The following CABIN1 variants were observed in gnomAD, a reference collection of about 807,000 sequenced individuals.
The protein encoded by CABIN1 is calcineurin-binding protein cabin-1.
In CABIN1, 133 loss-of-function variants were observed where a neutral mutation model predicts 227.7. The observed-to-expected ratio is 0.58, with a 90% CI of 0.51 to 0.67. CABIN1 has a LOEUF of 0.67. CABIN1 is among the 30% of genes least tolerant of loss of function. The pLI is 0.00. For missense variants in CABIN1, 2,408 were observed against 2,852.5 expected (o/e 0.84, Z 3.55); for synonymous variants, 1,086 against 1,155.1 (o/e 0.94, Z 1.21).
chr22:24,152,831 T>TC (rs2045566221), intron 29 of CABIN1, among the ~76,000 whole-genome samples: 1 of 151,962 alleles, frequency 6.6e-6, no homozygotes, highest in Non-Finnish European at 1.5e-5. Context: ...GTGCCTGTAA[T>TC]CCCAGCAACT....
intron 28 of CABIN1, among the ~76,000 whole-genome samples, chr22:24,125,081 C>CAA (rs1359901637): frequency 6.6e-6 from 1 of 152,200 alleles, no homozygotes; most frequent in Non-Finnish European, 1.5e-5. Flanking sequence ...TCACAAAAGA[C>CAA]AAATACTGGA....
chr22:24,162,675 A>G (rs138472194), intron 29 of CABIN1, among the ~76,000 whole-genome samples: 183 of 152,350 alleles, frequency 1.2e-3, no homozygotes, highest in African/African-American at 4.3e-3. Context: ...GAGAGTCACA[A>G]TAGCATGGGG....
Position 24,043,114 on chromosome 22 carries a change from G to A in CABIN1, c.526+30G>A, listed in dbSNP as rs187502677. 2.9e-4 allele frequency: 461 copies of A among 1,608,038 alleles called. 4 individuals carry two copies. In the African/African-American group the frequency reaches 5.5e-3, roughly 19 times the overall value. ...GTCATGCTTTGATGCTTTCTTCCATGTGCCAGTGGTTTTTGGAACAGCAGA... is the reference window on the plus strand; with the variant it reads ...GTCATGCTTTGATGCTTTCTTCCATATGCCAGTGGTTTTTGGAACAGCAGA... On this transcript the variant is annotated intron_variant, in intron 6 of 36. Coordinates refer to ENST00000263119, the MANE Select transcript of CABIN1 (RefSeq NM_012295.4).
At chr22:24,171,565 TG>T in intron 33 of CABIN1, 147 bp from the exon 34 acceptor site, 1 of 846,388 alleles carries the variant, frequency 1.2e-6, no homozygotes, top group Non-Finnish European at 1.9e-6. Context: ...GGCAGCATTG[TG>T]GGGGCTCAGT....
intron 29 of CABIN1, chr22:24,160,192 G>A (rs2046069653): frequency 6.6e-6 from 1 of 152,172 alleles, no homozygotes; most frequent in Non-Finnish European, 1.5e-5. Context: ...TGTAGACATA[G>A]GATGAATCTC....
rs2041559418 is a variant in CABIN1 at position 24,091,769 on chromosome 22, C to T, written c.3712C>T (p.His1238Tyr). ...LHYRQAGHYL[H>Y]EEAARYPKKI... ...CTACAGGCAGGCTGGCCACTACCTG[C>T]ACGAGGAGGCTGCCCGCTACCCCAA... Residue 1238 changes from histidine to tyrosine, a missense_variant, in exon 24 of 37, where the codon CAC becomes TAC. By Grantham distance (83) the His-to-Tyr change is moderately conservative. Transcript: ENST00000263119. 1 of 1,613,820 alleles carries T rather than the reference C, an allele frequency of 6.2e-7. No individual in the cohort carries two copies. Among genetic ancestry groups the T allele is most frequent in the South Asian group, 1.1e-5 (1 of 91,084 alleles).
intron 26 of CABIN1, among the ~76,000 whole-genome samples, chr22:24,100,855 T>C (rs985982062): frequency 6.6e-6 from 1 of 152,256 alleles, no homozygotes; most frequent in African/African-American, 2.4e-5. Flanking sequence ...GTCTTCGTTA[T>C]GGGTATTAAA....
Position 24,087,558 on chromosome 22 carries a change from C to T in CABIN1, c.3370C>T (p.Pro1124Ser). ...TGGGCCCATTTGGAAGCATGCCACG[C>T]CCGTCTTGAACTGCTTCCGTCGGGC... is the stretch of plus-strand genomic sequence containing the variant. Reference protein sequence around the residue: ...SDGPIWKHATPVLNCFRRALE... With the variant: ...SDGPIWKHATSVLNCFRRALE... The change falls in exon 23 of 37, where the codon CCC (proline) becomes TCC (serine). Residue 1124 changes from proline (P) to serine (S), a missense_variant. By Grantham distance (74) the Pro-to-Ser change is moderately conservative. Transcript: ENST00000263119. 6.2e-7 allele frequency: 1 copy of T among 1,614,254 alleles called. No homozygotes were observed. The highest frequency in any genetic ancestry group is 2.2e-5 in the East Asian group (1 of 44,884).
intron 24 of CABIN1, among the ~76,000 whole-genome samples, chr22:24,095,622 C>T (rs780602216): frequency 2.6e-5 from 4 of 152,122 alleles, no homozygotes; most frequent in South Asian, 2.1e-4. Flanking sequence ...AGCACTGTGG[C>T]GGGAGGCAGT....
chr22:24,060,681 G>T (rs1481074448), intron 12 of CABIN1, among the ~76,000 whole-genome samples: 1 of 151,964 alleles, frequency 6.6e-6, no homozygotes. Context: ...GTGCAGTCAC[G>T]GCTCACTGCA....
At chr22:24,173,996 T>G (rs1409001759) in intron 34 of CABIN1, among the ~76,000 whole-genome samples, 3 of 151,890 alleles carry the variant, frequency 2.0e-5, no homozygotes, top group African/African-American at 7.3e-5. Flanking sequence ...GGGTTTTTTT[T>G]TTTTTTTTAA....
In CABIN1 at chr22:24,139,375, G is replaced by T. The variant is rs149131976; in HGVS notation, c.4746+4960G>T. 6.3e-3 allele frequency among the ~76,000 whole-genome samples: 961 copies of T among 152,272 alleles called. 11 individuals carry two copies. Among genetic ancestry groups the T allele is most frequent in the African/African-American group, 0.022 (933 of 41,540 alleles). On this transcript the variant is annotated intron_variant, in intron 29 of 36. Coordinates refer to ENST00000263119, the MANE Select transcript of CABIN1 (RefSeq NM_012295.4). ...GGACCACCTGAGGTCAGAAGTTCGAGACCAGCCTGGCGAAACCCCATCTCT... is the reference window on the plus strand; with the variant it reads ...GGACCACCTGAGGTCAGAAGTTCGATACCAGCCTGGCGAAACCCCATCTCT...
At chr22:24,113,485 A>G in intron 26 of CABIN1, 81 bp from the exon 27 acceptor site, 1 of 1,290,926 alleles carries the variant, frequency 7.7e-7, no homozygotes. Context: ...ACCGGCAGGG[A>G]GACTCACCAT....
rs752522032 is a variant in CABIN1, at chr22:24,164,509, A to G, written c.4856A>G (p.His1619Arg). The change falls in exon 30 of 37, where the codon CAC (histidine) becomes CGC (arginine). Residue 1619 changes from histidine to arginine, a missense_variant. Physicochemically the swap from His to Arg is conservative, Grantham distance 29 (BLOSUM62 0). Coordinates refer to ENST00000263119, the MANE Select transcript of CABIN1 (RefSeq NM_012295.4). ...LLKVLAQLRD[H>R]STLLKVSSML... is the part of the protein sequence containing the mutation. ...AAGGTGCTGGCCCAGCTGCGGGACCACAGCACCCTGCTGAAGGTGTCCTCC... is the reference window on the plus strand; with the variant it reads ...AAGGTGCTGGCCCAGCTGCGGGACCGCAGCACCCTGCTGAAGGTGTCCTCC... The G allele has an allele frequency of 1.2e-6, 2 of 1,606,234 alleles. No homozygotes were observed. The highest frequency in any genetic ancestry group is 1.7e-6 in the Non-Finnish European group (2 of 1,179,938).
At position 24,072,466 on chromosome 22, in the gene CABIN1, A is replaced by G; in HGVS notation, c.2588A>G (p.His863Arg). 3.7e-6 allele frequency: 6 copies of G among 1,614,220 alleles called. No individual in the cohort carries two copies. Among genetic ancestry groups the G allele is most frequent in the Non-Finnish European group, 5.1e-6 (6 of 1,180,044 alleles). ...ATCTGGCAGGAGGAAGACACCTTCCATTCTCTGTGCCACCAGCAGCAGCTC... is the reference window on the plus strand; with the variant it reads ...ATCTGGCAGGAGGAAGACACCTTCCGTTCTCTGTGCCACCAGCAGCAGCTC... ...RIIWQEEDTFHSLCHQQQLQN... is the reference protein window; with the variant it reads ...RIIWQEEDTFRSLCHQQQLQN... Residue 863 changes from histidine to arginine, a missense_variant, in exon 18 of 37, where the codon CAT becomes CGT. Physicochemically the swap from His to Arg is conservative, Grantham distance 29. Around this residue, in one of 3 missense-constraint regions of CABIN1, gnomAD observed 1,045 missense variants for 1,168.4 expected, o/e 0.89. Transcript: ENST00000263119.
intron 28 of CABIN1, 78 bp from the exon 29 acceptor site, chr22:24,134,224 G>A: frequency 1.0e-6 from 1 of 984,340 alleles, no homozygotes; most frequent in Admixed American, 1.9e-5. Flanking sequence ...AGCCAGGAAG[G>A]AGGGGACCGC....
At chr22:24,129,504 A>G (rs1036638286) in intron 28 of CABIN1, among the ~76,000 whole-genome samples, 1 of 152,174 alleles carries the variant, frequency 6.6e-6, no homozygotes, top group African/African-American at 2.4e-5. Context: ...CCTCAACCTG[A>G]CATACGCTTC....
chr22:24,157,939 A>G (rs760086471), intron 29 of CABIN1, among the ~76,000 whole-genome samples: 4 of 152,104 alleles, frequency 2.6e-5, no homozygotes, highest in Non-Finnish European at 4.4e-5. Flanking sequence ...CCACCCACTC[A>G]GCAGCTGGCC....
At chr22:24,125,460 G>A (rs998977501) in intron 28 of CABIN1, among the ~76,000 whole-genome samples, 1 of 152,202 alleles carries the variant, frequency 6.6e-6, no homozygotes, top group Non-Finnish European at 1.5e-5. Context: ...TTAAACGAGA[G>A]GGCCTCTGAA....
Sources: allele counts gnomAD v4.1 joint callset (sites outside exome capture counted in the v4.1 genomes callset), GRCh38; gene constraint gnomAD v4.1.1; regional missense constraint gnomAD v4.1.1; transcripts MANE v1.5; gene names NCBI Gene and HGNC (gene_info 2026-07-23, HGNC 2026-07-21).